The following RHOT1 variants were observed in gnomAD, a reference collection of about 807,000 sequenced individuals.
RHOT1 encodes mitochondrial Rho GTPase 1.
Under a neutral mutation model 95.3 loss-of-function variants are expected in RHOT1, and 27 were observed. The observed-to-expected ratio is 0.28, with a 90% CI of 0.21 to 0.39. The LOEUF (loss-of-function observed/expected upper bound fraction) is 0.39, where lower values mean the gene tolerates loss of function less well. RHOT1 is among the 10% of genes least tolerant of loss of function. The probability of loss-of-function intolerance (pLI) is 1.00; values close to 1 mark genes in which losing one functional copy is unlikely to be tolerated. For synonymous variants in RHOT1, 227 were observed against 263.5 expected, an observed-to-expected ratio of 0.86 and a Z score of 1.34; for missense variants, 578 against 786.7, an observed-to-expected ratio of 0.73 and a Z score of 3.17.
chr17:32,144,283 C>T (rs1164862709), intron 1 of RHOT1, among the ~76,000 whole-genome samples: 1 of 152,166 alleles, frequency 6.6e-6, no homozygotes, highest in Non-Finnish European at 1.5e-5. Context: ...CACTGTGGCT[C>T]ATGCCTGTAA....
In RHOT1 at chr17:32,142,767, C is replaced by T. The variant is rs369436565; in HGVS notation, c.37+38C>T. On this transcript the variant is annotated intron_variant, in intron 1 of 19. Transcript: ENST00000545287. Reference sequence around the variant, plus strand: ...CCTCTGGCCGGCCCCTGAGTCCCTGCCCTCCCTGCCCCTGCAGCCCCTGTC... The same window carrying T: ...CCTCTGGCCGGCCCCTGAGTCCCTGTCCTCCCTGCCCCTGCAGCCCCTGTC... 146 of 1,471,808 alleles carry T rather than the reference C, an allele frequency of 9.9e-5. No individual in the cohort carries two copies. In the African/African-American group the frequency reaches 1.6e-3, roughly 16 times the overall value. 91.2% of individuals were successfully genotyped at this position (1,471,808 alleles called of 1,614,324 possible).
intron 2 of RHOT1, 120 bp from the exon 3 acceptor site, chr17:32,173,710 TA>T (rs376220288): frequency 0.19 from 105,366 of 552,332 alleles, 6 homozygotes; most frequent in South Asian, 0.25. Flanking sequence ...GAGACTCCAT[TA>T]AAAAAAAAAA....
chr17:32,143,269 T>C (rs1395700174), intron 1 of RHOT1: 1 of 363,852 alleles, frequency 2.7e-6, no homozygotes, highest in Admixed American at 3.7e-5. Context: ...TGCATTTTTT[T>C]GGCACTCGCA....
intron 1 of RHOT1, among the ~76,000 whole-genome samples, chr17:32,151,824 A>G (rs942038458): frequency 8.0e-5 from 12 of 149,622 alleles, no homozygotes; most frequent in South Asian, 2.1e-4. Context: ...GGAGGTTGCA[A>G]TGAGCTGAGA....
chr17:32,156,059 A>C (rs1475132618), intron 1 of RHOT1, among the ~76,000 whole-genome samples: 1 of 152,214 alleles, frequency 6.6e-6, no homozygotes, highest in Non-Finnish European at 1.5e-5. Context: ...GTAGTTATTT[A>C]AGGAAAAAGG....
At chr17:32,192,495 A>G (rs2036564183) in intron 9 of RHOT1, among the ~76,000 whole-genome samples, 196 bp downstream of exon 9, 1 of 152,048 alleles carries the variant, frequency 6.6e-6, no homozygotes, top group South Asian at 2.1e-4. Flanking sequence ...GGATTCTGAT[A>G]GCTTCATTTT....
intron 1 of RHOT1, 30 bp from the exon 2 acceptor site, chr17:32,171,013 T>G: frequency 6.4e-7 from 1 of 1,553,322 alleles, no homozygotes; most frequent in Non-Finnish European, 8.8e-7. Context: ...ACCTAACACT[T>G]TATTAAAGTA....
chr17:32,169,380 CG>C (rs1333356399), intron 1 of RHOT1, among the ~76,000 whole-genome samples: 1 of 151,988 alleles, frequency 6.6e-6, no homozygotes, highest in Non-Finnish European at 1.5e-5. Context: ...CAGAAAGTGA[CG>C]GGAATACAAG....
At chr17:32,181,735 A>T (rs933180996) in intron 6 of RHOT1, among the ~76,000 whole-genome samples, 2 of 152,194 alleles carry the variant, frequency 1.3e-5, no homozygotes, top group Non-Finnish European at 2.9e-5. Flanking sequence ...AAATCACTGC[A>T]TTTAAAAATG....
intron 19 of RHOT1, among the ~76,000 whole-genome samples, chr17:32,221,635 C>G (rs1193219075): frequency 2.0e-5 from 3 of 152,194 alleles, no homozygotes; most frequent in Non-Finnish European, 4.4e-5. Context: ...AAGTAACTTT[C>G]CATGTCTAAA....
intron 1 of RHOT1, among the ~76,000 whole-genome samples, chr17:32,143,549 CCACAGGCA>C (rs2030784506): frequency 3.3e-5 from 5 of 152,152 alleles, no homozygotes; most frequent in Admixed American, 3.3e-4. Context: ...TTATTAATAA[CCACAGGCA>C]CACAGACATT....
At chr17:32,153,337 A>G (rs1356069375) in intron 1 of RHOT1, among the ~76,000 whole-genome samples, 1 of 152,208 alleles carries the variant, frequency 6.6e-6, no homozygotes, top group Non-Finnish European at 1.5e-5. Context: ...AGTATAGTAG[A>G]TGAAGGATGA....
At chr17:32,191,733 C>T (rs953959158) in intron 8 of RHOT1, among the ~76,000 whole-genome samples, 2 of 152,084 alleles carry the variant, frequency 1.3e-5, no homozygotes, top group African/African-American at 2.4e-5. Flanking sequence ...TGTGAATAAG[C>T]GTATTTTATT....
At chr17:32,153,619 A>G (rs2032588150) in intron 1 of RHOT1, among the ~76,000 whole-genome samples, 1 of 152,230 alleles carries the variant, frequency 6.6e-6, no homozygotes, top group African/African-American at 2.4e-5. Flanking sequence ...TGATCATGCC[A>G]CTGTACTCTT....
chr17:32,201,965 G>T (rs999235072), intron 14 of RHOT1, among the ~76,000 whole-genome samples: 8 of 152,126 alleles, frequency 5.3e-5, no homozygotes, highest in African/African-American at 1.9e-4. Flanking sequence ...AGGCTGGAGT[G>T]CAGTGATGAG....
chr17:32,219,457 C>T (rs1202932221), intron 19 of RHOT1, among the ~76,000 whole-genome samples: 1 of 152,062 alleles, frequency 6.6e-6, no homozygotes, highest in Non-Finnish European at 1.5e-5. Context: ...CCTTAAGTTG[C>T]AGAATTAATT....
chr17:32,152,157 G>A lies in RHOT1; in HGVS notation c.37+9428G>A, dbSNP rs144846524. Among the ~76,000 whole-genome samples, 148 of 152,334 alleles carry A rather than the reference G, an allele frequency of 9.7e-4. 1 individual carries two copies. Among genetic ancestry groups the A allele is most frequent in the African/African-American group, 3.0e-3 (126 of 41,564 alleles). On this transcript the variant is annotated intron_variant, in intron 1 of 19. Coordinates refer to ENST00000545287, the MANE Select transcript of RHOT1 (RefSeq NM_001033566.3). ...TTTGTTACCACTGTGTTGTGTGTCTGTATGTTCAAGCGTGAGTAAAGCTAC... is the reference window on the plus strand; with the variant it reads ...TTTGTTACCACTGTGTTGTGTGTCTATATGTTCAAGCGTGAGTAAAGCTAC...
intron 1 of RHOT1, among the ~76,000 whole-genome samples, chr17:32,155,564 A>G (rs1360724527): frequency 6.8e-6 from 1 of 148,068 alleles, no homozygotes; most frequent in Non-Finnish European, 1.5e-5. Context: ...ATTTTTTGAG[A>G]CAAGGTCTCA....
intron 3 of RHOT1, 76 bp from the exon 4 acceptor site, chr17:32,175,243 G>A: frequency 8.2e-7 from 1 of 1,216,322 alleles, no homozygotes; most frequent in Non-Finnish European, 1.2e-6. Context: ...GATGAGTGTT[G>A]CATAGAATTT....
Sources: allele counts gnomAD v4.1 joint callset (sites outside exome capture counted in the v4.1 genomes callset), GRCh38; gene constraint gnomAD v4.1.1; transcripts MANE v1.5; gene names NCBI Gene and HGNC (gene_info 2026-07-23, HGNC 2026-07-21).